The following DLGAP2 variants were observed in gnomAD, a reference collection of about 807,000 sequenced individuals.
The protein encoded by DLGAP2 is disks large-associated protein 2.
Under a neutral mutation model 100.3 loss-of-function variants are expected in DLGAP2, and 26 were observed. The observed-to-expected ratio is 0.26, with a 90% CI of 0.19 to 0.36. The LOEUF (loss-of-function observed/expected upper bound fraction) is 0.36, where lower values mean the gene tolerates loss of function less well. Ranked by LOEUF, DLGAP2 falls within the 10% of genes least tolerant of loss-of-function variation. The pLI is 1.00. For synonymous variants in DLGAP2, 886 were observed against 630.1 expected (o/e 1.41, Z -6.08); for missense variants, 1,858 against 1,453.2 (o/e 1.28, Z -4.53).
At chr8:1,448,876 A>C (rs184085886) in intron 3 of DLGAP2, among the ~76,000 whole-genome samples, 41 of 152,316 alleles carry the variant, frequency 2.7e-4, no homozygotes, top group African/African-American at 9.1e-4. Context: ...CCTGACCCAT[A>C]ATAGCATGTC....
chr8:1,466,328 C>T (rs1458062529), intron 3 of DLGAP2, among the ~76,000 whole-genome samples: 1 of 152,056 alleles, frequency 6.6e-6, no homozygotes, highest in Non-Finnish European at 1.5e-5. Context: ...TGATGAGGCC[C>T]AGCCGACCCT....
intron 3 of DLGAP2, among the ~76,000 whole-genome samples, chr8:1,261,743 C>G (rs1474528725): frequency 6.6e-6 from 1 of 152,228 alleles, no homozygotes. Context: ...AAAGCACTGT[C>G]ATATGAATAT....
chr8:1,522,369 G>T (rs4876083), intron 4 of DLGAP2, among the ~76,000 whole-genome samples: 4,757 of 152,300 alleles, frequency 0.031, 105 homozygotes, highest in Non-Finnish European at 0.048. Flanking sequence ...TGGGGAAGCT[G>T]GCAGGTGTGC....
intron 3 of DLGAP2, among the ~76,000 whole-genome samples, chr8:1,429,910 C>G (rs1004361712): frequency 6.7e-6 from 1 of 148,382 alleles, no homozygotes; most frequent in Non-Finnish European, 1.5e-5. Flanking sequence ...ACCCATTTTA[C>G]CTTCATCATA....
intron 2 of DLGAP2, among the ~76,000 whole-genome samples, chr8:1,231,016 A>T (rs1798524352): frequency 6.6e-6 from 1 of 152,226 alleles, no homozygotes; most frequent in African/African-American, 2.4e-5. Context: ...GTGGGACCTA[A>T]TTAAGTTAAA....
At chr8:738,283 C>T (rs1820374945) in intron 1 of DLGAP2, among the ~76,000 whole-genome samples, 1 of 151,624 alleles carries the variant, frequency 6.6e-6, no homozygotes, top group Admixed American at 6.6e-5. Flanking sequence ...GTGGAAACGC[C>T]GACGGGGACT....
At chr8:1,427,175 A>T (rs1282766112) in intron 3 of DLGAP2, among the ~76,000 whole-genome samples, 1 of 152,224 alleles carries the variant, frequency 6.6e-6, no homozygotes, top group African/African-American at 2.4e-5. Flanking sequence ...TACAACTAGC[A>T]TTAAATTTCA....
At chr8:1,417,727 A>ACGGGGAGCCC in intron 3 of DLGAP2, among the ~76,000 whole-genome samples, 13 of 111,494 alleles carry the variant, frequency 1.2e-4, no homozygotes, top group Middle Eastern at 5.0e-3. Flanking sequence ...GAGGCTCCAG[A>ACGGGGAGCCC]CACAGAAGCC....
chr8:1,061,727 C>T (rs1317959631), intron 2 of DLGAP2, among the ~76,000 whole-genome samples: 2 of 151,916 alleles, frequency 1.3e-5, no homozygotes, highest in African/African-American at 4.8e-5. Context: ...CTCCACACTG[C>T]TTCCCTTCCC....
In DLGAP2 at chr8:751,694, G is replaced by A. The variant is rs11987557; in HGVS notation, c.18+13869G>A. 5.6e-3 allele frequency among the ~76,000 whole-genome samples: 854 copies of A among 151,956 alleles called. 7 individuals carry two copies. Among genetic ancestry groups the A allele is most frequent in the African/African-American group, 0.02 (816 of 41,454 alleles). ...AAGTTCATCTGACACTTCATAGTAAGTCCTTATAGTAAGTTCATCTGACAC... is the reference window on the plus strand; with the variant it reads ...AAGTTCATCTGACACTTCATAGTAAATCCTTATAGTAAGTTCATCTGACAC... On this transcript the variant is annotated intron_variant, in intron 1 of 14. Coordinates refer to ENST00000637795, the MANE Select transcript of DLGAP2 (RefSeq NM_001346810.2).
intron 2 of DLGAP2, among the ~76,000 whole-genome samples, chr8:1,185,053 C>T (rs553509028): frequency 6.6e-6 from 1 of 152,192 alleles, no homozygotes; most frequent in African/African-American, 2.4e-5. Flanking sequence ...TGACTCGTTT[C>T]CCAGGAAAGG....
At chr8:993,812 G>C (rs1288819338) in intron 2 of DLGAP2, among the ~76,000 whole-genome samples, 1 of 81,686 alleles carries the variant, frequency 1.2e-5, no homozygotes, top group Non-Finnish European at 2.4e-5. Flanking sequence ...TTTTTTTTTT[G>C]GTGTGTGTTT....
In DLGAP2 at chr8:1,313,659, C is replaced by T. The variant is rs573443695; in HGVS notation, c.106+54776C>T. On this transcript the variant is annotated intron_variant, in intron 3 of 14. Transcript: ENST00000637795. ...GGCTTCACAGCGGCAGGCTCTGTCCCGGGATACCTCAAGTCCCACCTGAAC... is the reference window on the plus strand; with the variant it reads ...GGCTTCACAGCGGCAGGCTCTGTCCTGGGATACCTCAAGTCCCACCTGAAC... 2.5e-4 allele frequency among the ~76,000 whole-genome samples: 38 copies of T among 152,204 alleles called. No individual in the cohort carries two copies. The South Asian group carries it at 4.0e-3, about 16-fold the overall frequency.
intron 3 of DLGAP2, among the ~76,000 whole-genome samples, chr8:1,293,988 T>C (rs954758854): frequency 1.3e-5 from 2 of 152,182 alleles, no homozygotes; most frequent in Non-Finnish European, 2.9e-5. Context: ...TTGCAGCCTT[T>C]CCCGGGGTCT....
At position 858,530 on chromosome 8, in the gene DLGAP2, CGTGTAATGCTGTCACCGTGGGCACAT is replaced by C. The variant is rs1797325972; in HGVS notation, c.19-49377_19-49352del. Among the ~76,000 whole-genome samples the C allele has an allele frequency of 2.7e-5, 4 of 147,766 alleles. No homozygotes were observed. In the South Asian group the frequency reaches 8.7e-4, roughly 32 times the overall value. On this transcript the variant is annotated intron_variant, in intron 1 of 14. Transcript: ENST00000637795. The stretch of plus-strand genomic sequence containing the variant: ...ATGTGTGGTGCTGTCACCGTGGGCA[CGTGTAATGCTGTCACCGTGGGCACAT>C]GTGTGATGCTGTCACCGTGGGGACA...
chr8:1,022,739 C>T (rs923757294), intron 2 of DLGAP2, among the ~76,000 whole-genome samples: 4 of 151,482 alleles, frequency 2.6e-5, no homozygotes, highest in Non-Finnish European at 5.9e-5. Context: ...GGTAGATGCT[C>T]CAACCACAAT....
At chr8:1,491,648 A>T (rs1367658684) in intron 3 of DLGAP2, among the ~76,000 whole-genome samples, 4 of 152,238 alleles carry the variant, frequency 2.6e-5, no homozygotes, top group Non-Finnish European at 5.9e-5. Context: ...TTTAGATCTG[A>T]AACAGGTTGT....
At position 1,554,210 on chromosome 8, in the gene DLGAP2, C is replaced by T. The variant is rs190582784; in HGVS notation, c.1230+4527C>T. On this transcript the variant is annotated intron_variant, in intron 5 of 14. Transcript: ENST00000637795. Reference sequence around the variant, plus strand: ...GGCCAAGGGCTGAGAATTGGTTGAACGTGGGAGGTGGAGGTTGCAGTGAGC... The same window carrying T: ...GGCCAAGGGCTGAGAATTGGTTGAATGTGGGAGGTGGAGGTTGCAGTGAGC... Among the ~76,000 whole-genome samples the T allele has an allele frequency of 2.1e-4, 32 of 152,280 alleles. No individual in the cohort carries two copies. In the South Asian group the frequency reaches 3.3e-3, roughly 16 times the overall value.
At chr8:1,338,401 A>G (rs1801337157) in intron 3 of DLGAP2, among the ~76,000 whole-genome samples, 1 of 152,198 alleles carries the variant, frequency 6.6e-6, no homozygotes, top group Non-Finnish European at 1.5e-5. Flanking sequence ...AAGTCCACCT[A>G]CTGCATGATT....
Sources: gnomAD v4.1 joint callset for allele counts (sites outside exome capture counted in the v4.1 genomes callset) on GRCh38, gnomAD v4.1.1 for gene constraint, MANE v1.5 for transcripts, NCBI Gene and HGNC (gene_info 2026-07-23, HGNC 2026-07-21) for gene names.